Variants in FRMD4B observed in about 807,000 individuals in gnomAD.
FRMD4B encodes FERM domain containing 4B.
A neutral mutation model predicts 141.5 loss-of-function variants in FRMD4B; 74 were observed. The observed-to-expected ratio is 0.52, with a 90% confidence interval of 0.43 to 0.63. The LOEUF (loss-of-function observed/expected upper bound fraction) is 0.63. FRMD4B is among the 30% of genes least tolerant of loss of function. The pLI is 0.00. For missense variants in FRMD4B, 1,366 were observed against 1,253.4 expected (o/e 1.09, Z -1.36); for synonymous variants, 506 against 467.9 (o/e 1.08, Z -1.05).
chr3:69,278,880 T>A (rs1365361966), intron 5 of FRMD4B, among the ~76,000 whole-genome samples: 1 of 152,180 alleles, frequency 6.6e-6, no homozygotes, highest in East Asian at 1.9e-4. Flanking sequence ...TGAGCCACCA[T>A]GCCCTGCTCC....
In FRMD4B at chr3:69,496,339, G is replaced by T. The variant is rs922503809; in HGVS notation, c.-129+45867C>A. ...ATACTCTTAGTGTTTGGGTTCAGGA[G>T]GACCCACTTTCTGCTCCAGGAATGA... On this transcript the variant is annotated intron_variant, in intron 1 of 5. Coordinates refer to the FRMD4B transcript ENST00000459638. Among the ~76,000 whole-genome samples, 22 of 152,196 alleles carry T rather than the reference G, an allele frequency of 1.4e-4. No individual in the cohort carries two copies. The East Asian group carries it at 3.7e-3, about 25-fold the overall frequency.
intron 5 of FRMD4B, among the ~76,000 whole-genome samples, chr3:69,251,508 C>T (rs942738591): frequency 6.6e-6 from 1 of 152,024 alleles, no homozygotes; most frequent in African/African-American, 2.4e-5. Flanking sequence ...AAATAAAAAC[C>T]CCAGGGTGTT....
chr3:69,259,965 C>T (rs928191831), intron 5 of FRMD4B, among the ~76,000 whole-genome samples: 1 of 152,196 alleles, frequency 6.6e-6, no homozygotes, highest in South Asian at 2.1e-4. Context: ...CTAATGAAAT[C>T]GCTTTATAGT....
In FRMD4B at chr3:69,169,375, T is replaced by TTTC. The variant is rs1553691449; in HGVS notation, c.*2485_*2486insGAA. On this transcript the variant is annotated 3_prime_UTR_variant, in exon 23 of 23. Coordinates refer to ENST00000398540, the MANE Select transcript of FRMD4B (RefSeq NM_015123.3). Reference sequence around the variant, plus strand: ...TTTCTTTTTTTTTTTTTTTTTTTTTTCTTGAGACAAGGTCTGTTATTGCCT... The same window carrying TTTC: ...TTTCTTTTTTTTTTTTTTTTTTTTTTTTCCTTGAGACAAGGTCTGTTATTGCCT... 0.019 allele frequency among the ~76,000 whole-genome samples: 2,357 copies of TTTC among 124,492 alleles called. 137 individuals carry two copies. The highest frequency in any genetic ancestry group is 0.064 in the African/African-American group (2,189 of 34,290). The allele number at this position is 124,492 out of a possible 152,430, so 81.7% of individuals were successfully genotyped here.
intron 1 of FRMD4B, among the ~76,000 whole-genome samples, chr3:69,531,192 G>T (rs1176333147): frequency 1.3e-5 from 2 of 152,132 alleles, no homozygotes; most frequent in Admixed American, 1.3e-4. Context: ...TCCTGCCTGG[G>T]ATTTGCTAAT....
chr3:69,387,497 T>A (rs1349736407), upstream of FRMD4B, among the ~76,000 whole-genome samples: 5 of 152,190 alleles, frequency 3.3e-5, no homozygotes, highest in Non-Finnish European at 5.9e-5. Flanking sequence ...TTTTCCTGAA[T>A]CCATCTGTAA....
At chr3:69,244,690 C>T (rs114959093) in intron 7 of FRMD4B, among the ~76,000 whole-genome samples, 3,519 of 152,004 alleles carry the variant, frequency 0.023, 129 homozygotes, top group African/African-American at 0.081. Flanking sequence ...GGTCAAGAGT[C>T]TGAGACCAGC....
intron 17 of FRMD4B, among the ~76,000 whole-genome samples, chr3:69,190,632 C>A (rs797012519): frequency 6.6e-6 from 1 of 152,134 alleles, no homozygotes; most frequent in Non-Finnish European, 1.5e-5. Flanking sequence ...CCAGGCTGGT[C>A]TTGAACTCCT....
At chr3:69,517,998 A>ATGCTGC (rs921624818) in intron 1 of FRMD4B, among the ~76,000 whole-genome samples, 3 of 152,038 alleles carry the variant, frequency 2.0e-5, no homozygotes, top group African/African-American at 7.2e-5. Context: ...TCCCCAAGAG[A>ATGCTGC]TGCTGCTGCT....
chr3:69,338,508 A>G (rs949615250), intron 1 of FRMD4B, among the ~76,000 whole-genome samples: 1 of 152,236 alleles, frequency 6.6e-6, no homozygotes, highest in African/African-American at 2.4e-5. Flanking sequence ...GCAGCCATAA[A>G]AAAGTGAGAA....
chr3:69,439,919 C>G (rs1705317946), intron 1 of FRMD4B, among the ~76,000 whole-genome samples: 1 of 152,106 alleles, frequency 6.6e-6, no homozygotes, highest in Non-Finnish European at 1.5e-5. Flanking sequence ...GTCTATTTTT[C>G]TATTGGGTAG....
chr3:69,455,556 C>G (rs763960940), intron 1 of FRMD4B, among the ~76,000 whole-genome samples: 1 of 152,116 alleles, frequency 6.6e-6, no homozygotes, highest in Non-Finnish European at 1.5e-5. Flanking sequence ...GAAGAAACTA[C>G]GAACACGTCC....
At chr3:69,499,762 C>T (rs1706462135) in intron 1 of FRMD4B, among the ~76,000 whole-genome samples, 1 of 152,100 alleles carries the variant, frequency 6.6e-6, no homozygotes, top group Admixed American at 6.5e-5. Context: ...TGCTCCAAGC[C>T]TTCTGGTGTT....
intron 2 of FRMD4B, among the ~76,000 whole-genome samples, chr3:69,424,739 T>A (rs1415095445): frequency 6.6e-6 from 1 of 152,198 alleles, no homozygotes; most frequent in Admixed American, 6.5e-5. Flanking sequence ...CTACCTTAAA[T>A]CCCAATATGG....
intron 5 of FRMD4B, 174 bp from the exon 6 acceptor site, chr3:69,250,273 C>A (rs985958004): frequency 3.2e-6 from 2 of 624,308 alleles, no homozygotes; most frequent in Non-Finnish European, 5.8e-6. Context: ...AGGGTTAAGG[C>A]GAAACCACTG....
At chr3:69,518,828 T>C (rs1018694491) in intron 1 of FRMD4B, among the ~76,000 whole-genome samples, 7 of 152,174 alleles carry the variant, frequency 4.6e-5, no homozygotes, top group Admixed American at 6.5e-5. Context: ...CCCCTGCAGA[T>C]CTAGGGCAAT....
chr3:69,480,992 G>T (rs894554362), intron 1 of FRMD4B, among the ~76,000 whole-genome samples: 2 of 152,160 alleles, frequency 1.3e-5, no homozygotes, highest in Admixed American at 1.3e-4. Context: ...GCGAGACTCC[G>T]TGGGCTTAGG....
At chr3:69,438,588 G>C (rs1269284739) in intron 1 of FRMD4B, among the ~76,000 whole-genome samples, 1 of 152,096 alleles carries the variant, frequency 6.6e-6, no homozygotes, top group Non-Finnish European at 1.5e-5. Flanking sequence ...TTCAATACTT[G>C]GAAGGCAGAG....
chr3:69,489,690 T>TA (rs1251408996), intron 1 of FRMD4B, among the ~76,000 whole-genome samples: 1 of 152,174 alleles, frequency 6.6e-6, no homozygotes, highest in Non-Finnish European at 1.5e-5. Flanking sequence ...CCTCAAAAAA[T>TA]AAACATAGTG....
Sources: gnomAD v4.1 joint callset for allele counts (sites outside exome capture counted in the v4.1 genomes callset) on GRCh38, gnomAD v4.1.1 for gene constraint, MANE v1.5 for transcripts, NCBI Gene and HGNC (gene_info 2026-07-23, HGNC 2026-07-21) for gene names.